Variants in NLGN4X observed in about 807,000 individuals in gnomAD.
NLGN4X encodes neuroligin 4 X-linked, also known as neuroligin-4, X-linked.
In NLGN4X, 3 loss-of-function variants were observed where a neutral mutation model predicts 40.3. The ratio of observed to expected loss-of-function variants is 0.07; its 90% CI spans 0.03 to 0.19. The LOEUF is 0.19. NLGN4X is among the 10% of genes least tolerant of loss of function. The pLI, the probability that NLGN4X is intolerant of heterozygous loss-of-function variation, is 1.00. For missense variants in NLGN4X, 382 were observed against 708.3 expected (o/e 0.54, Z 5.23); for synonymous variants, 270 against 306.8 (o/e 0.88, Z 1.25).
rs770976561 is a variant in NLGN4X, at chrX:5,907,464, G to A, written c.811+1590C>T. Among the ~76,000 whole-genome samples the A allele has an allele frequency of 1.6e-4, 18 of 111,995 alleles. No homozygotes were observed. In the Admixed American group the frequency reaches 1.7e-3, roughly 11 times the overall value. Reference sequence around the variant, plus strand: ...TCCAGCAGGGCTCAGGGGTGTGGCTGCCTATGCTGACCATTACTTAGGCAG... The same window carrying A: ...TCCAGCAGGGCTCAGGGGTGTGGCTACCTATGCTGACCATTACTTAGGCAG... On this transcript the variant is annotated intron_variant, in intron 4 of 5. Transcript: ENST00000381095.
At position 6,120,114 on chromosome X, in the gene NLGN4X, G is replaced by A. The variant is rs140491530; in HGVS notation, c.472+30881C>T. On this transcript the variant is annotated intron_variant, in intron 2 of 5. Coordinates refer to ENST00000381095, the MANE Select transcript of NLGN4X (RefSeq NM_181332.3). ...GGGAGGATCACTGAAGCCCGAAGCT[G>A]CAATGAGCCATGATTGCACCACTGC... 2.9e-3 allele frequency among the ~76,000 whole-genome samples: 319 copies of A among 111,317 alleles called. 2 individuals are homozygous for A. Among genetic ancestry groups the A allele is most frequent in the African/African-American group, 9.7e-3 (298 of 30,633 alleles).
chrX:5,987,196 G>A (rs918417223), intron 3 of NLGN4X, among the ~76,000 whole-genome samples: 1 of 111,546 alleles, frequency 9.0e-6, no homozygotes, highest in Admixed American at 9.5e-5. Context: ...TTATAAAACA[G>A]TATTATGCAT....
intron 1 of NLGN4X, among the ~76,000 whole-genome samples, chrX:6,168,848 C>T (rs2040549553): frequency 9.0e-6 from 1 of 111,608 alleles, no homozygotes; most frequent in Non-Finnish European, 1.9e-5. Flanking sequence ...CTCACTGCAG[C>T]CTCGACCTTT....
intron 3 of NLGN4X, among the ~76,000 whole-genome samples, chrX:5,966,640 T>G (rs780949808): frequency 8.9e-6 from 1 of 112,671 alleles, no homozygotes; most frequent in African/African-American, 3.2e-5. Context: ...TATGCTTTAA[T>G]ATCGTATTTA....
chrX:6,114,191 GA>G (rs2039218766), intron 2 of NLGN4X, among the ~76,000 whole-genome samples: 1 of 111,499 alleles, frequency 9.0e-6, no homozygotes, highest in Admixed American at 9.6e-5. Context: ...TCTACTCCAT[GA>G]AAGAATCATA....
chrX:6,036,296 C>T (rs1024605677), intron 2 of NLGN4X, among the ~76,000 whole-genome samples: 3 of 111,382 alleles, frequency 2.7e-5, no homozygotes, highest in Non-Finnish European at 5.6e-5. Flanking sequence ...GCTGAGATTT[C>T]GATAGAAATT....
chrX:5,950,113 A>G (rs2034259744), intron 3 of NLGN4X, among the ~76,000 whole-genome samples: 1 of 111,946 alleles, frequency 8.9e-6, no homozygotes, highest in African/African-American at 3.3e-5. Context: ...GAAATCAATT[A>G]GAACACAGTT....
At chrX:6,040,715 G>T (rs1456902793) in intron 2 of NLGN4X, among the ~76,000 whole-genome samples, 3 of 111,709 alleles carry the variant, frequency 2.7e-5, no homozygotes, top group African/African-American at 9.8e-5. Flanking sequence ...GCTAGATTCT[G>T]TTTCTGCCTA....
At chrX:6,072,401 G>A (rs1261900414) in intron 2 of NLGN4X, among the ~76,000 whole-genome samples, 1 of 111,108 alleles carries the variant, frequency 9.0e-6, no homozygotes, top group African/African-American at 3.3e-5. Flanking sequence ...TGATAGAACA[G>A]TGGGCCAAAA....
At chrX:6,119,943 TTAGA>T (rs2039384592) in intron 2 of NLGN4X, among the ~76,000 whole-genome samples, 2 of 111,484 alleles carry the variant, frequency 1.8e-5, no homozygotes, top group East Asian at 2.8e-4. Context: ...CAAATGTAGA[TTAGA>T]TAAATTAATT....
chrX:6,027,742 T>C (rs751583232), intron 3 of NLGN4X, among the ~76,000 whole-genome samples: 1 of 110,800 alleles, frequency 9.0e-6, no homozygotes, highest in East Asian at 2.8e-4. Context: ...TTTTCAGTCA[T>C]ATTTCTTGTT....
At chrX:6,218,251 T>C (rs770987032) in intron 1 of NLGN4X, among the ~76,000 whole-genome samples, 54 of 111,859 alleles carry the variant, frequency 4.8e-4, no homozygotes, top group Non-Finnish European at 6.0e-4. Context: ...GTTTATCAAA[T>C]ACTTTCATCT....
rs147010884 is a variant in NLGN4X, at chrX:6,140,361, A to T, written c.472+10634T>A. 6.7e-3 allele frequency among the ~76,000 whole-genome samples: 730 copies of T among 109,614 alleles called. 1 individual carries two copies. Among genetic ancestry groups the T allele is most frequent in the African/African-American group, 0.022 (647 of 30,044 alleles). On this transcript the variant is annotated intron_variant, in intron 2 of 5. Transcript: ENST00000381095. ...AAGAGGATATAGTTTAGGTGTTGTAAAACTTGGCACTTCCCAGAAAATTGT... is the reference window on the plus strand; with the variant it reads ...AAGAGGATATAGTTTAGGTGTTGTATAACTTGGCACTTCCCAGAAAATTGT...
intron 3 of NLGN4X, among the ~76,000 whole-genome samples, chrX:5,985,967 A>T: frequency 8.9e-6 from 1 of 112,413 alleles, no homozygotes; most frequent in South Asian, 3.6e-4. Flanking sequence ...TATCCACTAA[A>T]ATTCATAAGC....
At chrX:6,059,309 A>G (rs1293243822) in intron 2 of NLGN4X, among the ~76,000 whole-genome samples, 20 of 112,003 alleles carry the variant, frequency 1.8e-4, no homozygotes, top group Middle Eastern at 4.6e-3. Flanking sequence ...TGGGAATACT[A>G]TCCAACTCAA....
rs1016376383 is a variant in NLGN4X, at chrX:6,128,632, A to T, written c.472+22363T>A. On this transcript the variant is annotated intron_variant, in intron 2 of 5. Transcript: ENST00000381095. ...GGCTAAACACTGAGTACACATGGAC[A>T]TAAATATGGGAACACTCCACACTAG... Among the ~76,000 whole-genome samples the T allele has an allele frequency of 3.6e-5, 4 of 111,572 alleles. No homozygotes were observed. In the East Asian group the frequency reaches 1.1e-3, roughly 32 times the overall value.
At chrX:5,958,098 T>C (rs1028664759) in intron 3 of NLGN4X, among the ~76,000 whole-genome samples, 1 of 111,760 alleles carries the variant, frequency 8.9e-6, no homozygotes, top group African/African-American at 3.2e-5. Flanking sequence ...GGACATCTGA[T>C]GGACATGTGG....
At chrX:6,218,592 A>G (rs1274567054) in intron 1 of NLGN4X, among the ~76,000 whole-genome samples, 1 of 111,822 alleles carries the variant, frequency 8.9e-6, no homozygotes, top group Non-Finnish European at 1.9e-5. Flanking sequence ...TGGTTAATAT[A>G]GGAAAGATAA....
intron 2 of NLGN4X, among the ~76,000 whole-genome samples, chrX:6,145,888 C>T (rs1451881750): frequency 3.6e-5 from 4 of 109,812 alleles, no homozygotes; most frequent in Admixed American, 2.9e-4. Flanking sequence ...TTTGGGAGGC[C>T]GAGGTGGGAG....
Sources: gnomAD v4.1 joint callset for allele counts (sites outside exome capture counted in the v4.1 genomes callset) on GRCh38, gnomAD v4.1.1 for gene constraint, MANE v1.5 for transcripts, NCBI Gene and HGNC (gene_info 2026-07-23, HGNC 2026-07-21) for gene names.